Variants in MSLN observed in about 807,000 individuals in gnomAD.
MSLN encodes the protein mesothelin.
MSLN carries 82 observed loss-of-function variants against 72.6 expected under a neutral mutation model. That is an observed-to-expected ratio of 1.13 (90% CI 0.94 to 1.36). The LOEUF is 1.36. Ranked by LOEUF, MSLN falls within the 40% of genes most tolerant of loss-of-function variation. The pLI, the probability that MSLN is intolerant of heterozygous loss-of-function variation, is 0.00. For missense variants in MSLN, 1,005 were observed against 847.9 expected, an observed-to-expected ratio of 1.19 and a Z score of -2.30; for synonymous variants, 456 against 387.3, an observed-to-expected ratio of 1.18 and a Z score of -2.08.
intron 6 of MSLN, 92 bp from the exon 7 acceptor site, chr16:764,555 T>G: frequency 4.0e-6 from 4 of 1,009,428 alleles, no homozygotes; most frequent in Non-Finnish European, 4.7e-6. Flanking sequence ...AGGGCAGGGG[T>G]GTGTTGTGGT....
rs372470815 is a variant in MSLN at position 765,832 on chromosome 16, G to A, written c.895+42G>A. 5.2e-5 allele frequency: 81 copies of A among 1,561,994 alleles called. No individual in the cohort carries two copies. In the African/African-American group the frequency reaches 8.6e-4, roughly 17 times the overall value. ...GCGCAGTCTGGCACCAGGCTGGGCA[G>A]CACCCCTGGGGGTGGGCATCACTTT... On this transcript the variant is annotated intron_variant, in intron 11 of 17. Coordinates refer to ENST00000545450, the MANE Select transcript of MSLN (RefSeq NM_005823.6).
rs766340711 is a variant in MSLN at position 765,554 on chromosome 16, G to A, written c.732G>A (p.Thr244=). ...YGPPSTWSVS[T]MDALRGLLPV... is the part of the protein sequence containing the mutation. ...CCCCGTCGACATGGTCTGTCTCCAC[G>A]ATGGACGCTCTGCGGGGCCTGCTGC... The change falls in exon 10 of 18, where the codon ACG becomes ACA. Residue 244 remains threonine (T), a synonymous_variant. Coordinates refer to ENST00000545450, the MANE Select transcript of MSLN (RefSeq NM_005823.6). 1.6e-5 allele frequency: 26 copies of A among 1,606,930 alleles called. No individual in the cohort carries two copies. The highest frequency in any genetic ancestry group is 4.0e-5 in the African/African-American group (3 of 74,896).
chr16:768,476 G>T lies in MSLN; in HGVS notation c.1694G>T (p.Arg565Leu). 4.5e-6 allele frequency: 7 copies of T among 1,570,872 alleles called. No individual in the cohort carries two copies. The highest frequency in any genetic ancestry group is 6.1e-6 in the Non-Finnish European group (7 of 1,155,874). Residue 565 changes from arginine to leucine, a missense_variant, in exon 17 of 18, where the codon CGG (arginine) becomes CTG (leucine). Transcript: ENST00000545450. ...CGCCCGGTGCGGGACTGGATCCTAC[G>T]GCAGCGGCAGGACGACCTGGACACG... The part of the protein sequence containing the change: ...RHRPVRDWIL[R>L]QRQDDLDTLG...
intron 4 of MSLN, 21 bp from the exon 5 acceptor site, chr16:763,621 C>A: frequency 6.3e-7 from 1 of 1,588,018 alleles, no homozygotes; most frequent in South Asian, 1.1e-5. Flanking sequence ...GAGCCATGTT[C>A]AGCAGGCCCT....
In MSLN at chr16:766,463, C is replaced by A; in HGVS notation, c.1203C>A (p.Val401=). The change falls in exon 13 of 18, where the codon GTC becomes GTA. Residue 401 remains valine, a synonymous_variant. Transcript: ENST00000545450. The part of the protein sequence containing the change: ...SLETLKALLE[V]NKGHEMSPQV... ...AGACCCTGAAGGCTTTGCTTGAAGT[C>A]AACAAAGGGCACGAAATGAGTCCTC... 2 of 1,612,624 alleles carry A rather than the reference C, an allele frequency of 1.2e-6. No homozygotes were observed. The highest frequency in any genetic ancestry group is 1.7e-6 in the Non-Finnish European group (2 of 1,179,914).
chr16:762,355 G>A (rs991565563), intron 2 of MSLN, among the ~76,000 whole-genome samples: 1 of 152,228 alleles, frequency 6.6e-6, no homozygotes, highest in African/African-American at 2.4e-5. Flanking sequence ...GTGGGCGGCG[G>A]CCCCGGTTGC....
chr16:768,777 G>A lies in MSLN; in HGVS notation c.*44G>A, dbSNP rs767085280. The A allele has an allele frequency of 7.4e-5, 118 of 1,590,966 alleles. No homozygotes were observed. The highest frequency in any genetic ancestry group is 1.8e-4 in the Admixed American group (11 of 59,784). ...GGCCCCAGCCCTGCTGGGGATCCCC[G>A]CCTGGCCAGGAGCAGGCACGGGTGG... On this transcript the variant is annotated 3_prime_UTR_variant, in exon 18 of 18. Transcript: ENST00000545450.
intron 6 of MSLN, 150 bp from the exon 7 acceptor site, chr16:764,497 G>A (rs2041577599): frequency 1.3e-6 from 1 of 786,978 alleles, no homozygotes; most frequent in Non-Finnish European, 2.2e-6. Context: ...ATCCCCCAGG[G>A]CAGCGCTGCA....
chr16:765,341 G>T, intron 9 of MSLN, 38 bp downstream of exon 9: 1 of 1,512,034 alleles, frequency 6.6e-7, no homozygotes, highest in Non-Finnish European at 8.8e-7. Context: ...GGCTCACCTG[G>T]CGGCGTGGTA....
At chr16:763,424 C>A in intron 4 of MSLN, 148 bp downstream of exon 4, 2 of 873,404 alleles carry the variant, frequency 2.3e-6, no homozygotes, top group Non-Finnish European at 3.6e-6. Context: ...ATGTGACTGG[C>A]CTGGGAGCAG....
chr16:764,642 T>G lies in MSLN; in HGVS notation c.301-5T>G. The G allele has an allele frequency of 6.2e-7, 1 of 1,611,910 alleles. No homozygotes were observed. The highest frequency in any genetic ancestry group is 1.1e-5 in the South Asian group (1 of 91,058). On this transcript the variant is annotated splice_polypyrimidine_tract_variant and splice_region_variant and intron_variant, in intron 6 of 17. Transcript: ENST00000545450. Reference sequence around the variant, plus strand: ...CGCTCTGTGCTGGACTCCCTGCCCCTGCAGCTGCGCTGTCTGGCTCACCGG... The same window carrying G: ...CGCTCTGTGCTGGACTCCCTGCCCCGGCAGCTGCGCTGTCTGGCTCACCGG...
intron 15 of MSLN, 149 bp from the exon 16 acceptor site, chr16:767,227 G>A: frequency 9.2e-7 from 1 of 1,089,016 alleles, no homozygotes; most frequent in Admixed American, 2.1e-5. Flanking sequence ...TCCCACGCCT[G>A]GGGGTCAGGC....
Position 768,652 on chromosome 16 carries a change from CCT to C in MSLN, c.1792_1793del (p.Ser598GlyfsTer?). 6.2e-7 allele frequency: 1 copy of C among 1,611,160 alleles called. No homozygotes were observed. The highest frequency in any genetic ancestry group is 8.5e-7 in the Non-Finnish European group (1 of 1,179,522). ...GAGTCACCCCTCTCTCTGTAGAGGC[CCT>C]CTCGGGGACGCCCTGCCTCCTAGGA... is the stretch of plus-strand genomic sequence containing the variant. ...LVLDLSMQEA[L>X]SGTPCLLGPG... is the part of the protein sequence containing the mutation. On this transcript the variant is annotated frameshift_variant, in exon 18 of 18. Coordinates refer to ENST00000545450, the MANE Select transcript of MSLN (RefSeq NM_005823.6). LOFTEE classifies it low-confidence loss of function (END_TRUNC).
chr16:768,438 G>C lies in MSLN; in HGVS notation c.1656G>C (p.Ala552=), dbSNP rs142972507. The C allele has an allele frequency of 2.6e-6, 4 of 1,523,944 alleles. No individual in the cohort carries two copies. The highest frequency in any genetic ancestry group is 3.5e-6 in the Non-Finnish European group (4 of 1,133,320). 94.4% of individuals were successfully genotyped at this position (1,523,944 alleles called of 1,614,324 possible). The change falls in exon 17 of 18, where the codon GCG becomes GCC. Residue 552 remains alanine, a synonymous_variant. Transcript: ENST00000545450. ...GACCCCACGTGGAGGGCCTGAAGGC[G>C]GAGGAGCGGCACCGCCCGGTGCGGG... The part of the protein sequence containing the change: ...LLGPHVEGLK[A]EERHRPVRDW...
At position 768,345 on chromosome 16, in the gene MSLN, A is replaced by T. The variant is rs1226804946; in HGVS notation, c.1597-34A>T. The T allele has an allele frequency of 4.0e-6, 6 of 1,494,364 alleles. No homozygotes were observed. The African/African-American group carries it at 7.1e-5, about 18-fold the overall frequency. 92.6% of individuals were successfully genotyped at this position (1,494,364 alleles called of 1,614,324 possible). A position where few individuals can be genotyped will look rare whatever the true frequency, so the allele number is the denominator to read the frequency against. On this transcript the variant is annotated intron_variant, in intron 16 of 17. Transcript: ENST00000545450. ...CCTCTGGCGGCGCTGAGGGAAGGAG[A>T]CCCTCCTTGATGGCTGCCCGGGGTC...
Position 766,430 on chromosome 16 carries a change from G to A in MSLN, c.1170G>A (p.Thr390=), listed in dbSNP as rs142937521. 27 of 1,612,678 alleles carry A rather than the reference G, an allele frequency of 1.7e-5. No homozygotes were observed. The highest frequency in any genetic ancestry group is 8.8e-5 in the South Asian group (8 of 91,082). Residue 390 remains threonine (T), a synonymous_variant, in exon 13 of 18, where the codon ACG becomes ACA. Transcript: ENST00000545450. ...SPEDIRKWNV[T]SLETLKALLE... ...AGGACATTCGCAAGTGGAATGTGAC[G>A]TCCCTGGAGACCCTGAAGGCTTTGC... is the stretch of plus-strand genomic sequence containing the variant.
intron 16 of MSLN, 48 bp downstream of exon 16, chr16:767,518 AGG>A: frequency 1.5e-6 from 1 of 659,460 alleles, no homozygotes. Flanking sequence ...CCCGTGGAGG[AGG>A]GGCGAGTGGG....
Position 766,676 on chromosome 16 carries a change from C to T in MSLN, c.1239C>T (p.Thr413=), listed in dbSNP as rs1238380547. Residue 413 remains threonine (T), a synonymous_variant, in exon 14 of 18, where the codon ACC becomes ACT. Transcript: ENST00000545450. ...KGHEMSPQVA[T]LIDRFVKGRG... is the part of the protein sequence containing the mutation. ...GGCGGCCCCTCCCACAGGTGGCCAC[C>T]CTGATCGACCGCTTTGTGAAGGGAA... is the stretch of plus-strand genomic sequence containing the variant. The T allele has an allele frequency of 6.2e-7, 1 of 1,612,512 alleles. No individual in the cohort carries two copies. Among genetic ancestry groups the T allele is most frequent in the East Asian group, 2.2e-5 (1 of 44,870 alleles).
Position 766,475 on chromosome 16 carries a change from C to A in MSLN, c.1215C>A (p.His405Gln), listed in dbSNP as rs544290639. 2.5e-6 allele frequency: 4 copies of A among 1,612,554 alleles called. No individual in the cohort carries two copies. The highest frequency in any genetic ancestry group is 2.2e-5 in the South Asian group (2 of 91,070). Reference protein sequence around the residue: ...LKALLEVNKGHEMSPQVATLI... With the variant: ...LKALLEVNKGQEMSPQVATLI... ...CTTTGCTTGAAGTCAACAAAGGGCACGAAATGAGTCCTCAGGTGACCGTCC... is the reference window on the plus strand; with the variant it reads ...CTTTGCTTGAAGTCAACAAAGGGCAAGAAATGAGTCCTCAGGTGACCGTCC... Residue 405 changes from histidine (H) to glutamine (Q), a missense_variant, in exon 13 of 18, where the codon CAC (histidine) becomes CAA (glutamine). Transcript: ENST00000545450.
Sources: gnomAD v4.1 joint callset for allele counts (sites outside exome capture counted in the v4.1 genomes callset) on GRCh38, gnomAD v4.1.1 for gene constraint, MANE v1.5 for transcripts, NCBI Gene and HGNC (gene_info 2026-07-23, HGNC 2026-07-21) for gene names.